TMIGD3: variants seen among roughly 807,000 people sequenced by gnomAD.
The protein encoded by TMIGD3 is AD026 protein (AD026).
A neutral mutation model predicts 28.1 loss-of-function variants in TMIGD3; 21 were observed. The ratio of observed to expected loss-of-function variants is 0.75; its 90% CI spans 0.53 to 1.08. The LOEUF (loss-of-function observed/expected upper bound fraction) is 1.08, where lower values mean the gene tolerates loss of function less well. Among genes scored for constraint, TMIGD3 ranks in the 50% least tolerant of loss-of-function variants. The pLI, the probability that TMIGD3 is intolerant of heterozygous loss-of-function variation, is 0.00. For synonymous variants in TMIGD3, 151 were observed against 162.1 expected (o/e 0.93, Z 0.52); for missense variants, 416 against 435.6 (o/e 0.96, Z 0.40).
At chr1:111,505,025 A>G (rs1026806822), upstream of TMIGD3, 25 of 984,624 alleles carry the variant, frequency 2.5e-5, no homozygotes, top group Non-Finnish European at 2.8e-5. Context: ...ATCGGCCTCC[A>G]ATGTGTCCCT....
At chr1:111,497,884 T>C (rs974149537) in intron 1 of TMIGD3, among the ~76,000 whole-genome samples, 4 of 152,176 alleles carry the variant, frequency 2.6e-5, no homozygotes. Flanking sequence ...AGAAGCTGTT[T>C]GTAAATTAAG....
intron 1 of TMIGD3, among the ~76,000 whole-genome samples, chr1:111,561,087 A>G (rs1657718528): frequency 6.6e-6 from 1 of 152,136 alleles, no homozygotes; most frequent in Non-Finnish European, 1.5e-5. Flanking sequence ...AGGACTTTCC[A>G]TCTTCAAAGC....
chr1:111,517,753 A>C (rs11102294), intron 1 of TMIGD3, among the ~76,000 whole-genome samples: 41,244 of 152,158 alleles, frequency 0.27, 6,407 homozygotes, highest in Non-Finnish European at 0.36. Flanking sequence ...GCCCAACAAC[A>C]AAAAGTGGGT....
intron 5 of TMIGD3, 71 bp from the exon 6 acceptor site, chr1:111,483,828 C>A (rs1482373403): frequency 2.4e-6 from 3 of 1,248,890 alleles, no homozygotes; most frequent in Non-Finnish European, 3.5e-6. Context: ...GTTTCTGCAG[C>A]AAAAGTTCCA....
Position 111,483,449 on chromosome 1 carries a change from A to G in TMIGD3, c.*238T>C, listed in dbSNP as rs555515775. On this transcript the variant is annotated 3_prime_UTR_variant, in exon 6 of 6. Coordinates refer to ENST00000369716, the MANE Select transcript of TMIGD3 (RefSeq NM_020683.7). Reference sequence around the variant, plus strand: ...CCTCTTCTTCACTTCTGACTGATGGAATGCATAAGAACTAAGATCTTGAGA... The same window carrying G: ...CCTCTTCTTCACTTCTGACTGATGGGATGCATAAGAACTAAGATCTTGAGA... 2.1e-6 allele frequency: 1 copy of G among 476,960 alleles called. No individual in the cohort carries two copies. The highest frequency in any genetic ancestry group is 2.4e-5 in the South Asian group (1 of 41,284). 29.5% of individuals were successfully genotyped at this position (476,960 alleles called of 1,614,324 possible).
chr1:111,489,835 C>A (rs1654572600), intron 2 of TMIGD3: 1 of 774,286 alleles, frequency 1.3e-6, no homozygotes, highest in Non-Finnish European at 1.6e-6. Flanking sequence ...AGCATAGGCA[C>A]CTCTATCATC....
At chr1:111,535,859 TC>T (rs1189502558) in intron 1 of TMIGD3, among the ~76,000 whole-genome samples, 8 of 152,172 alleles carry the variant, frequency 5.3e-5, no homozygotes, top group Non-Finnish European at 1.0e-4. Flanking sequence ...AGCTGCCTTC[TC>T]CCGGCCTCCA....
intron 1 of TMIGD3, chr1:111,500,011 G>C (rs1571411636): frequency 3.1e-6 from 5 of 1,614,164 alleles, no homozygotes; most frequent in Non-Finnish European, 4.2e-6. Context: ...GACCACACAA[G>C]CTTTGAGGAT....
intron 4 of TMIGD3, 49 bp downstream of exon 4, chr1:111,486,537 C>A: frequency 1.4e-6 from 2 of 1,422,922 alleles, no homozygotes; most frequent in East Asian, 2.3e-5. Flanking sequence ...CAGCCCCTAC[C>A]TCCACCCCAC....
intron 1 of TMIGD3, among the ~76,000 whole-genome samples, chr1:111,531,429 C>T (rs537330470): frequency 6.6e-6 from 1 of 152,304 alleles, no homozygotes; most frequent in South Asian, 2.1e-4. Context: ...TCATTTTCAT[C>T]TCCAGAACTT....
chr1:111,540,247 G>A (rs1656774100), intron 1 of TMIGD3, among the ~76,000 whole-genome samples: 1 of 152,214 alleles, frequency 6.6e-6, no homozygotes, highest in African/African-American at 2.4e-5. Flanking sequence ...AGGTGGAAGT[G>A]AAGCAGCACC....
intron 1 of TMIGD3, among the ~76,000 whole-genome samples, chr1:111,521,997 A>G (rs962045290): frequency 1.3e-5 from 2 of 152,218 alleles, no homozygotes; most frequent in African/African-American, 4.8e-5. Flanking sequence ...CTTCAGCACC[A>G]TTTGTTGAAA....
chr1:111,500,270 A>G, intron 1 of TMIGD3: 1 of 1,614,238 alleles, frequency 6.2e-7, no homozygotes, highest in South Asian at 1.1e-5. Flanking sequence ...TTGGAGTTAG[A>G]TAAGTTCAGA....
intron 1 of TMIGD3, among the ~76,000 whole-genome samples, chr1:111,562,448 T>C (rs1351271964): frequency 2.0e-5 from 3 of 152,216 alleles, no homozygotes; most frequent in African/African-American, 7.2e-5. Context: ...ATGTTAATCA[T>C]TATTGGTCAT....
At chr1:111,557,855 A>C (rs1156628240) in intron 1 of TMIGD3, among the ~76,000 whole-genome samples, 2 of 152,178 alleles carry the variant, frequency 1.3e-5, no homozygotes, top group African/African-American at 2.4e-5. Flanking sequence ...GGGGGAGATT[A>C]ATCTGAGTAA....
At chr1:111,495,980 A>G (rs1017465922) in intron 1 of TMIGD3, among the ~76,000 whole-genome samples, 2 of 152,200 alleles carry the variant, frequency 1.3e-5, no homozygotes, top group African/African-American at 2.4e-5. Context: ...AAAAGAGGGA[A>G]ACAACAGACA....
chr1:111,506,123 C>T (rs776835022), upstream of TMIGD3, among the ~76,000 whole-genome samples: 5 of 152,244 alleles, frequency 3.3e-5, no homozygotes, highest in East Asian at 1.9e-4. Context: ...GTCTTCACCT[C>T]TCCTCTGGGA....
At chr1:111,543,133 G>GAC (rs1315731598) in intron 1 of TMIGD3, among the ~76,000 whole-genome samples, 2 of 152,160 alleles carry the variant, frequency 1.3e-5, no homozygotes, top group Admixed American at 1.3e-4. Flanking sequence ...TACACAGAGA[G>GAC]ACACACACAC....
intron 1 of TMIGD3, among the ~76,000 whole-genome samples, chr1:111,562,246 A>T (rs1462952487): frequency 1.3e-5 from 2 of 152,156 alleles, no homozygotes; most frequent in Admixed American, 1.3e-4. Context: ...CCACATCCAT[A>T]TCATTTTGTA....
Sources: allele counts gnomAD v4.1 joint callset (sites outside exome capture counted in the v4.1 genomes callset), GRCh38; gene constraint gnomAD v4.1.1; transcripts MANE v1.5; gene names NCBI Gene and HGNC (gene_info 2026-07-23, HGNC 2026-07-21).